AASDHPPT: variants seen among roughly 807,000 people sequenced by gnomAD.
AASDHPPT encodes the protein aminoadipate-semialdehyde dehydrogenase-phosphopantetheinyl transferase.
In AASDHPPT, 23 loss-of-function variants were observed where a neutral mutation model predicts 36.4. That is an observed-to-expected ratio of 0.63 (90% confidence interval 0.45 to 0.89). The LOEUF (loss-of-function observed/expected upper bound fraction) is 0.89, where lower values mean the gene tolerates loss of function less well. Ranked by LOEUF, AASDHPPT falls within the 40% of genes least tolerant of loss-of-function variation. The pLI, the probability that AASDHPPT is intolerant of heterozygous loss-of-function variation, is 0.00. For synonymous variants in AASDHPPT, 115 were observed against 128.0 expected (o/e 0.90, Z 0.68); for missense variants, 377 against 378.2 (o/e 1.00, Z 0.03).
At chr11:106,079,109 T>C (rs1861102157) in intron 1 of AASDHPPT, among the ~76,000 whole-genome samples, 1 of 152,228 alleles carries the variant, frequency 6.6e-6, no homozygotes. Context: ...CCAATACTTA[T>C]AAATTTAAAG....
At chr11:106,080,937 T>G (rs1861131965) in intron 2 of AASDHPPT, among the ~76,000 whole-genome samples, 1 of 152,230 alleles carries the variant, frequency 6.6e-6, no homozygotes. Context: ...TAGGTTCTTT[T>G]GTTGTAGGTT....
At chr11:106,088,071 C>G (rs957507508) in intron 2 of AASDHPPT, among the ~76,000 whole-genome samples, 1 of 152,132 alleles carries the variant, frequency 6.6e-6, no homozygotes, top group African/African-American at 2.4e-5. Flanking sequence ...ACGAAATCAC[C>G]TTTTCCTATT....
chr11:106,077,675 CAGGCCCGAGA>C lies in AASDHPPT; in HGVS notation c.-35_-26del. 1 of 1,595,520 alleles carries C rather than the reference CAGGCCCGAGA, an allele frequency of 6.3e-7. No homozygotes were observed. The highest frequency in any genetic ancestry group is 8.6e-7 in the Non-Finnish European group (1 of 1,167,344). On this transcript the variant is annotated 5_prime_UTR_variant, in exon 1 of 6. Coordinates refer to ENST00000278618, the MANE Select transcript of AASDHPPT (RefSeq NM_015423.3). ...GGGGCCACGTTTGCGTCCGCGCCAT[CAGGCCCGAGA>C]TAGCGGCGAGGTCCGCTTTCAGTGT...
In AASDHPPT at chr11:106,098,670, TA is replaced by T. The variant is rs991840135; in HGVS notation, c.*1770del. ...AAACTTTGTCTTGTCATTATAATAA[TA>T]AAAAAATGAACATTTATTATGGAAT... is the stretch of plus-strand genomic sequence containing the variant. On this transcript the variant is annotated 3_prime_UTR_variant, in exon 6 of 6. Coordinates refer to ENST00000278618, the MANE Select transcript of AASDHPPT (RefSeq NM_015423.3). 3 of 151,982 alleles carry T rather than the reference TA, an allele frequency of 2.0e-5. No homozygotes were observed. Among genetic ancestry groups the T allele is most frequent in the Non-Finnish European group, 2.9e-5 (2 of 67,940 alleles). The allele number at this position is 151,982 out of a possible 1,614,324, so 9.4% of individuals were successfully genotyped here.
chr11:106,094,699 T>C (rs1462005754), intron 5 of AASDHPPT, 45 bp downstream of exon 5: 2 of 1,449,286 alleles, frequency 1.4e-6, no homozygotes, highest in South Asian at 1.3e-5. Context: ...CATGAATCAA[T>C]GTTAAGTTTG....
At chr11:106,093,063 T>C (rs991411333) in intron 4 of AASDHPPT, 1 of 152,214 alleles carries the variant, frequency 6.6e-6, no homozygotes, top group East Asian at 1.9e-4. Flanking sequence ...ATGACCAAAA[T>C]GGTATAAGAG....
intron 1 of AASDHPPT, 115 bp downstream of exon 1, chr11:106,078,008 C>T: frequency 7.6e-7 from 1 of 1,314,554 alleles, no homozygotes. Context: ...GCTGTGGAGC[C>T]TGTGGCCGGC....
chr11:106,085,436 G>A (rs187250481), intron 2 of AASDHPPT, among the ~76,000 whole-genome samples: 2 of 152,282 alleles, frequency 1.3e-5, no homozygotes, highest in East Asian at 3.9e-4. Flanking sequence ...CAATGTAATT[G>A]TATATTTGAG....
Position 106,098,497 on chromosome 11 carries a change from G to A in AASDHPPT, c.*1590G>A, listed in dbSNP as rs1280751895. The stretch of plus-strand genomic sequence containing the variant: ...CAAATTGTATAAAATTAGGTACTTC[G>A]ATTAGTAAAAGAAAAAAATTTGAAT... On this transcript the variant is annotated 3_prime_UTR_variant, in exon 6 of 6. Coordinates refer to ENST00000278618, the MANE Select transcript of AASDHPPT (RefSeq NM_015423.3). The A allele has an allele frequency of 6.6e-6, 1 of 150,662 alleles. No individual in the cohort carries two copies. Among genetic ancestry groups the A allele is most frequent in the Non-Finnish European group, 1.5e-5 (1 of 67,640 alleles). 9.3% of individuals were successfully genotyped at this position (150,662 alleles called of 1,614,324 possible).
intron 2 of AASDHPPT, among the ~76,000 whole-genome samples, chr11:106,084,328 T>C (rs1279493444): frequency 2.6e-5 from 4 of 152,184 alleles, no homozygotes; most frequent in Middle Eastern, 3.2e-3. Flanking sequence ...TATTTATGAA[T>C]AACAACAAAA....
intron 2 of AASDHPPT, chr11:106,086,334 A>G (rs75878095): frequency 0.028 from 4,275 of 152,322 alleles, 127 homozygotes; most frequent in Admixed American, 0.087. Context: ...TTCACCTTCA[A>G]ATGACCTTTT....
intron 4 of AASDHPPT, chr11:106,092,419 G>A (rs1177602209): frequency 6.6e-6 from 1 of 152,140 alleles, no homozygotes; most frequent in Non-Finnish European, 1.5e-5. Flanking sequence ...AAACATCTAA[G>A]TGAAGATGTC....
At chr11:106,082,741 T>TAG (rs1861156846) in intron 2 of AASDHPPT, among the ~76,000 whole-genome samples, 1 of 152,196 alleles carries the variant, frequency 6.6e-6, no homozygotes, top group African/African-American at 2.4e-5. Context: ...GGTACATTCT[T>TAG]ACTCTTAGGA....
At chr11:106,096,231 A>G (rs550872482) in intron 5 of AASDHPPT, among the ~76,000 whole-genome samples, 11 of 152,296 alleles carry the variant, frequency 7.2e-5, no homozygotes, top group African/African-American at 2.6e-4. Flanking sequence ...ACTGGGTTCA[A>G]TTGTGAACAA....
chr11:106,092,565 G>A (rs1045177395), intron 4 of AASDHPPT: 2 of 152,046 alleles, frequency 1.3e-5, no homozygotes, highest in African/African-American at 4.8e-5. Flanking sequence ...CTAAGGAACA[G>A]CTATATATTG....
chr11:106,089,221 A>C (rs962564248), intron 2 of AASDHPPT, among the ~76,000 whole-genome samples: 16 of 152,064 alleles, frequency 1.1e-4, no homozygotes, highest in African/African-American at 3.6e-4. Context: ...CAACATCTTC[A>C]ACATCTTTTT....
intron 1 of AASDHPPT, among the ~76,000 whole-genome samples, chr11:106,078,229 C>T (rs1861085733): frequency 6.6e-6 from 1 of 151,778 alleles, no homozygotes; most frequent in African/African-American, 2.4e-5. Flanking sequence ...ATGTCTTTAT[C>T]TTTAAATGTT....
chr11:106,088,464 T>C (rs1033123756), intron 2 of AASDHPPT, among the ~76,000 whole-genome samples: 45 of 152,112 alleles, frequency 3.0e-4, no homozygotes, highest in African/African-American at 1.1e-3. Context: ...AAACCAAAAA[T>C]AGTTTATTCC....
rs1254789041 is a variant in AASDHPPT, at chr11:106,097,276, A to G, written c.*369A>G. On this transcript the variant is annotated 3_prime_UTR_variant, in exon 6 of 6. Transcript: ENST00000278618. ...TTTCAGACCTTTTTCTTGGCAAATGAATCCATATTGACATATTTGATTTTT... is the reference window on the plus strand; with the variant it reads ...TTTCAGACCTTTTTCTTGGCAAATGGATCCATATTGACATATTTGATTTTT... The G allele has an allele frequency of 1.1e-5, 2 of 179,522 alleles. No homozygotes were observed. Among genetic ancestry groups the G allele is most frequent in the African/African-American group, 2.4e-5 (1 of 41,786 alleles). The allele number at this position is 179,522 out of a possible 1,614,324, so 11.1% of individuals were successfully genotyped here.
Sources: gnomAD v4.1 joint callset for allele counts (sites outside exome capture counted in the v4.1 genomes callset) on GRCh38, gnomAD v4.1.1 for gene constraint, MANE v1.5 for transcripts, NCBI Gene and HGNC (gene_info 2026-07-23, HGNC 2026-07-21) for gene names.